The following KIF6 variants were observed in gnomAD, a reference collection of about 807,000 sequenced individuals.
The protein encoded by KIF6 is kinesin-like protein KIF6.
In KIF6, 106 loss-of-function variants were observed where a neutral mutation model predicts 112.7. The ratio of observed to expected loss-of-function variants is 0.94; its 90% confidence interval spans 0.80 to 1.11. The LOEUF (loss-of-function observed/expected upper bound fraction) is 1.11. Ranked by LOEUF, KIF6 falls within the 50% of genes least tolerant of loss-of-function variation. The probability of loss-of-function intolerance (pLI) is 0.00; values close to 1 mark genes in which losing one functional copy is unlikely to be tolerated. For missense variants in KIF6, 929 were observed against 964.0 expected, an observed-to-expected ratio of 0.96 and a Z score of 0.48; for synonymous variants, 339 against 339.9, an observed-to-expected ratio of 1.00 and a Z score of 0.03.
chr6:39,336,481 C>T lies in KIF6; in HGVS notation c.*51G>A, dbSNP rs1210304466. On this transcript the variant is annotated 3_prime_UTR_variant, in exon 23 of 23. Transcript: ENST00000287152. ...AGCAAGTGAGGGGCGCTGCCTTCAT[C>T]TGTGCTTCATTCTTGCTGGCATAAT... The T allele has an allele frequency of 1.1e-5, 18 of 1,591,834 alleles. No individual in the cohort carries two copies. The highest frequency in any genetic ancestry group is 1.5e-5 in the Non-Finnish European group (17 of 1,159,858).
At chr6:39,429,532 C>G (rs1770986961) in intron 14 of KIF6, among the ~76,000 whole-genome samples, 2 of 152,166 alleles carry the variant, frequency 1.3e-5, no homozygotes, top group African/African-American at 4.8e-5. Flanking sequence ...TTAGCTTATT[C>G]TGTGGCCTAT....
At chr6:39,590,430 T>G (rs1334367539) in intron 7 of KIF6, among the ~76,000 whole-genome samples, 82 of 118,204 alleles carry the variant, frequency 6.9e-4, no homozygotes, top group Middle Eastern at 4.5e-3. Context: ...TGTGTGTGTG[T>G]ATATATATAT....
chr6:39,572,282 T>C (rs1190382752), intron 10 of KIF6, among the ~76,000 whole-genome samples: 1 of 152,234 alleles, frequency 6.6e-6, no homozygotes, highest in Non-Finnish European at 1.5e-5. Context: ...GTTTTATATA[T>C]ACATATACAT....
At chr6:39,666,532 G>A (rs1024240562) in intron 3 of KIF6, among the ~76,000 whole-genome samples, 6 of 152,154 alleles carry the variant, frequency 3.9e-5, no homozygotes, top group Non-Finnish European at 5.9e-5. Context: ...AAATATATAC[G>A]TAAGAACTCT....
At chr6:39,494,267 C>T (rs971107578) in intron 13 of KIF6, among the ~76,000 whole-genome samples, 2 of 152,196 alleles carry the variant, frequency 1.3e-5, no homozygotes, top group Non-Finnish European at 2.9e-5. Context: ...AAATTTCCCA[C>T]TCATTTAGTT....
chr6:39,396,079 A>G (rs911057340), intron 15 of KIF6, among the ~76,000 whole-genome samples: 1 of 152,228 alleles, frequency 6.6e-6, no homozygotes, highest in Non-Finnish European at 1.5e-5. Flanking sequence ...ACAAACTTCC[A>G]GCTGGCCTGT....
chr6:39,446,155 G>A (rs968519866), intron 13 of KIF6, among the ~76,000 whole-genome samples: 3 of 152,130 alleles, frequency 2.0e-5, no homozygotes, highest in Admixed American at 1.3e-4. Context: ...TGTGTGCCCC[G>A]GATCTGCCAT....
At chr6:39,548,245 C>A (rs551206789) in intron 10 of KIF6, among the ~76,000 whole-genome samples, 1 of 152,314 alleles carries the variant, frequency 6.6e-6, no homozygotes, top group South Asian at 2.1e-4. Flanking sequence ...CAGAAGGAAA[C>A]CTCGTAAGAT....
At chr6:39,717,024 C>T (rs1489127541) in intron 2 of KIF6, among the ~76,000 whole-genome samples, 3 of 152,180 alleles carry the variant, frequency 2.0e-5, no homozygotes, top group Non-Finnish European at 2.9e-5. Context: ...CCTTGGTCCA[C>T]GCTACCATAA....
At chr6:39,699,659 C>T (rs980507596) in intron 3 of KIF6, among the ~76,000 whole-genome samples, 7 of 151,774 alleles carry the variant, frequency 4.6e-5, no homozygotes, top group African/African-American at 1.7e-4. Flanking sequence ...GTTAAAGGTA[C>T]CAAAATATAA....
At chr6:39,716,624 GGAA>G (rs1176870972) in intron 2 of KIF6, among the ~76,000 whole-genome samples, 1 of 152,106 alleles carries the variant, frequency 6.6e-6, no homozygotes, top group African/African-American at 2.4e-5. Context: ...GATTAACAGA[GGAA>G]GAAGTCGAGA....
At chr6:39,676,955 T>C (rs1787178126) in intron 3 of KIF6, among the ~76,000 whole-genome samples, 1 of 152,040 alleles carries the variant, frequency 6.6e-6, no homozygotes, top group African/African-American at 2.4e-5. Context: ...ATCATCCATG[T>C]CATTTATAAA....
chr6:39,541,783 C>G (rs974088210), intron 12 of KIF6, among the ~76,000 whole-genome samples: 1 of 152,142 alleles, frequency 6.6e-6, no homozygotes, highest in Non-Finnish European at 1.5e-5. Flanking sequence ...GACCTTTAAG[C>G]TGAGATCTGA....
intron 10 of KIF6, among the ~76,000 whole-genome samples, chr6:39,567,478 T>C (rs1046204282): frequency 1.3e-5 from 2 of 152,204 alleles, no homozygotes; most frequent in African/African-American, 4.8e-5. Flanking sequence ...TCTTAGTGAC[T>C]AAACAGTTTA....
intron 3 of KIF6, among the ~76,000 whole-genome samples, chr6:39,673,240 G>A (rs1196830593): frequency 6.6e-6 from 1 of 152,148 alleles, no homozygotes; most frequent in Non-Finnish European, 1.5e-5. Flanking sequence ...AAGGGATGCT[G>A]GGAAAGACAA....
chr6:39,669,029 A>G (rs1786651774), intron 3 of KIF6, among the ~76,000 whole-genome samples: 1 of 152,130 alleles, frequency 6.6e-6, no homozygotes, highest in Non-Finnish European at 1.5e-5. Flanking sequence ...TTTCAAAATA[A>G]TTTTTTATTA....
At chr6:39,387,905 C>T (rs538566489) in intron 15 of KIF6, among the ~76,000 whole-genome samples, 3 of 152,160 alleles carry the variant, frequency 2.0e-5, no homozygotes, top group Non-Finnish European at 2.9e-5. Context: ...TAGAGTGAGT[C>T]ATCAAAAGCT....
intron 5 of KIF6, among the ~76,000 whole-genome samples, chr6:39,624,497 C>T (rs1414479766): frequency 2.6e-5 from 4 of 152,148 alleles, no homozygotes; most frequent in Non-Finnish European, 5.9e-5. Context: ...GCTTCATATA[C>T]TGAAAATTGA....
chr6:39,506,311 G>A (rs906292487), intron 13 of KIF6, among the ~76,000 whole-genome samples: 19 of 152,092 alleles, frequency 1.2e-4, no homozygotes, highest in African/African-American at 4.1e-4. Context: ...TGAACAATGA[G>A]GACACATGGA....
Sources: gnomAD v4.1 joint callset for allele counts (sites outside exome capture counted in the v4.1 genomes callset) on GRCh38, gnomAD v4.1.1 for gene constraint, MANE v1.5 for transcripts, NCBI Gene and HGNC (gene_info 2026-07-23, HGNC 2026-07-21) for gene names.